The following ARID1B variants were observed in gnomAD, a reference collection of about 807,000 sequenced individuals.
ARID1B encodes AT-rich interactive domain-containing protein 1B.
ARID1B carries 30 observed loss-of-function variants against 212.3 expected under a neutral mutation model. That is an observed-to-expected ratio of 0.14 (90% CI 0.11 to 0.19). The LOEUF is 0.19. Ranked by LOEUF, ARID1B falls within the 10% of genes least tolerant of loss-of-function variation. The pLI, the probability that ARID1B is intolerant of heterozygous loss-of-function variation, is 1.00. For missense variants in ARID1B, 2,891 were observed against 3,204.0 expected (o/e 0.90, Z 2.36); for synonymous variants, 1,402 against 1,301.7 (o/e 1.08, Z -1.66).
At chr6:157,058,696 C>T (rs1479543511) in intron 4 of ARID1B, among the ~76,000 whole-genome samples, 6 of 152,224 alleles carry the variant, frequency 3.9e-5, no homozygotes, top group East Asian at 3.8e-4. Flanking sequence ...AGGCTCACAG[C>T]GTCTTCCTGC....
At position 157,065,477 on chromosome 6, in the gene ARID1B, A is replaced by G. The variant is rs183975318; in HGVS notation, c.2248-19185A>G. Among the ~76,000 whole-genome samples the G allele has an allele frequency of 1.6e-4, 25 of 152,360 alleles. No homozygotes were observed. In the East Asian group the frequency reaches 3.9e-3, roughly 23 times the overall value. On this transcript the variant is annotated intron_variant, in intron 4 of 19. Transcript: ENST00000636930. ...TTGATGAAAGGTGCCTTTATGGTAC[A>G]GTTACTTTCAAATACATCAAGCACT... is the stretch of plus-strand genomic sequence containing the variant.
Position 156,984,223 on chromosome 6 carries a change from C to T in ARID1B, c.2247+48647C>T, listed in dbSNP as rs149391573. ...AGCAAGGCATGCTCCCACAGCAGTC[C>T]GGTGCAGCTCCAGAATGAGGGAGCC... On this transcript the variant is annotated intron_variant, in intron 4 of 19. Coordinates refer to ENST00000636930, the MANE Select transcript of ARID1B (RefSeq NM_001374828.1). 3.0e-3 allele frequency among the ~76,000 whole-genome samples: 450 copies of T among 152,190 alleles called. 3 individuals are homozygous for T. Among genetic ancestry groups the T allele is most frequent in the African/African-American group, 0.01 (427 of 41,498 alleles).
Position 157,184,518 on chromosome 6 carries a change from A to G in ARID1B, c.3919+83A>G, listed in dbSNP as rs1792825235. 3 of 1,505,156 alleles carry G rather than the reference A, an allele frequency of 2.0e-6. No homozygotes were observed. The African/African-American group carries it at 4.2e-5, about 21-fold the overall frequency. The allele number at this position is 1,505,156 out of a possible 1,614,324, so 93.2% of individuals were successfully genotyped here. ...GTTCCGGGAAGGTGGTTTCACAGTCAGGCCAACAGGGAACTTGGGACTTTT... is the reference window on the plus strand; with the variant it reads ...GTTCCGGGAAGGTGGTTTCACAGTCGGGCCAACAGGGAACTTGGGACTTTT... On this transcript the variant is annotated intron_variant, in intron 13 of 19. Transcript: ENST00000636930.
intron 2 of ARID1B, among the ~76,000 whole-genome samples, chr6:156,832,320 A>G (rs1303998934): frequency 6.6e-6 from 1 of 152,230 alleles, no homozygotes; most frequent in Admixed American, 6.5e-5. Flanking sequence ...GGTCCCATCC[A>G]TCTTCCCCTA....
intron 1 of ARID1B, among the ~76,000 whole-genome samples, chr6:156,804,335 CAAAA>C (rs369681489): frequency 8.3e-6 from 1 of 120,382 alleles, no homozygotes; most frequent in African/African-American, 3.2e-5. Flanking sequence ...GACTCCGTCT[CAAAA>C]AAAAAGCAAA....
chr6:157,010,685 A>G (rs933833584), intron 4 of ARID1B, among the ~76,000 whole-genome samples: 3 of 150,244 alleles, frequency 2.0e-5, no homozygotes, highest in Non-Finnish European at 4.4e-5. Context: ...GTTCTCATGT[A>G]GCAAGACTTC....
At chr6:156,903,063 A>C (rs1789082851) in intron 3 of ARID1B, among the ~76,000 whole-genome samples, 1 of 152,160 alleles carries the variant, frequency 6.6e-6, no homozygotes, top group Non-Finnish European at 1.5e-5. Context: ...CTGATCATAA[A>C]ACCGATTTGA....
intron 4 of ARID1B, among the ~76,000 whole-genome samples, chr6:156,963,948 A>T (rs1794571394): frequency 6.6e-6 from 1 of 152,222 alleles, no homozygotes; most frequent in Non-Finnish European, 1.5e-5. Flanking sequence ...TAGTATGAAT[A>T]TGTGCTTGCC....
At chr6:156,957,442 A>G (rs1794050272) in intron 4 of ARID1B, among the ~76,000 whole-genome samples, 1 of 152,142 alleles carries the variant, frequency 6.6e-6, no homozygotes, top group Non-Finnish European at 1.5e-5. Flanking sequence ...GAGCCACAGA[A>G]GCAGAGTAGC....
intron 2 of ARID1B, among the ~76,000 whole-genome samples, chr6:156,835,356 A>T (rs918623128): frequency 1.3e-5 from 2 of 152,086 alleles, no homozygotes; most frequent in Non-Finnish European, 2.9e-5. Context: ...GAATTGTGAC[A>T]TTCTTGGAAT....
At chr6:157,006,972 C>T (rs186688932) in intron 4 of ARID1B, among the ~76,000 whole-genome samples, 52 of 152,322 alleles carry the variant, frequency 3.4e-4, no homozygotes, top group Admixed American at 1.8e-3. Context: ...CACACAGACA[C>T]GCAAAGTTTA....
intron 3 of ARID1B, among the ~76,000 whole-genome samples, chr6:156,921,032 T>G (rs77852115): frequency 0.018 from 2,724 of 152,162 alleles, 86 homozygotes; most frequent in African/African-American, 0.062. Context: ...GCAGGGGGAC[T>G]CCAGGACCCT....
chr6:156,778,010 G>A lies in ARID1B; in HGVS notation c.330G>A (p.Glu110=), dbSNP rs1403994771. 6.5e-7 allele frequency: 1 copy of A among 1,533,296 alleles called. No homozygotes were observed. Among genetic ancestry groups the A allele is most frequent in the Non-Finnish European group, 8.7e-7 (1 of 1,145,428 alleles). The allele number at this position is 1,533,296 out of a possible 1,614,324, so 95.0% of individuals were successfully genotyped here. The change falls in exon 1 of 20, where the codon GAG becomes GAA. Residue 110 remains glutamate, a synonymous_variant. Coordinates refer to ENST00000636930, the MANE Select transcript of ARID1B (RefSeq NM_001374828.1). ...KSGGSEAALK[E]GGSAAALSSS... is the part of the protein sequence containing the mutation. Reference sequence around the variant, plus strand: ...GCGGCTCCGAGGCGGCTCTCAAGGAGGGTGGAAGCGCCGCCGCGCTGTCCT... The same window carrying A: ...GCGGCTCCGAGGCGGCTCTCAAGGAAGGTGGAAGCGCCGCCGCGCTGTCCT...
chr6:156,907,857 G>A (rs966514948), intron 3 of ARID1B, among the ~76,000 whole-genome samples: 20 of 149,550 alleles, frequency 1.3e-4, no homozygotes, highest in Non-Finnish European at 2.2e-4. Context: ...GTAGTGAGTC[G>A]AGGTCGCGCC....
intron 2 of ARID1B, among the ~76,000 whole-genome samples, chr6:156,876,713 T>C (rs1479945155): frequency 6.6e-6 from 1 of 152,208 alleles, no homozygotes; most frequent in Non-Finnish European, 1.5e-5. Flanking sequence ...TTACCCAAGT[T>C]GAGGCTGTTG....
chr6:156,865,676 A>C (rs1033890457), intron 2 of ARID1B, among the ~76,000 whole-genome samples: 1 of 151,312 alleles, frequency 6.6e-6, no homozygotes, highest in Admixed American at 6.6e-5. Flanking sequence ...TTTTAACTTT[A>C]TCTCTTCTTC....
In ARID1B at chr6:156,935,524, C is replaced by G. The variant is rs778362623; in HGVS notation, c.2195C>G (p.Pro732Arg). Residue 732 changes from proline to arginine, a missense_variant, in exon 4 of 20, where the codon CCT (proline) becomes CGT (arginine). Transcript: ENST00000636930. ...RSQPPLAPGK[P>R]NHEDLNLIQQ... is the part of the protein sequence containing the mutation. ...CAACCTCCTCTGGCCCCCGGAAAACCTAACCATGAAGACTTGAACTTAATA... is the reference window on the plus strand; with the variant it reads ...CAACCTCCTCTGGCCCCCGGAAAACGTAACCATGAAGACTTGAACTTAATA... The G allele has an allele frequency of 4.3e-6, 7 of 1,614,026 alleles. No homozygotes were observed. The highest frequency in any genetic ancestry group is 5.9e-6 in the Non-Finnish European group (7 of 1,179,922).
In ARID1B at chr6:156,801,009, A is replaced by G. The variant is rs543456557; in HGVS notation, c.1791+21538A>G. Among the ~76,000 whole-genome samples, 3 of 152,326 alleles carry G rather than the reference A, an allele frequency of 2.0e-5. No individual in the cohort carries two copies. In the South Asian group the frequency reaches 6.2e-4, roughly 32 times the overall value. On this transcript the variant is annotated intron_variant, in intron 1 of 19. Transcript: ENST00000636930. The stretch of plus-strand genomic sequence containing the variant: ...GTAGCTGTCTGTCATAAGTTGCAAA[A>G]TAGATCTAGAACATTCTCATCACTG...
intron 8 of ARID1B, among the ~76,000 whole-genome samples, chr6:157,154,394 G>T (rs1790407839): frequency 6.6e-6 from 1 of 152,106 alleles, no homozygotes; most frequent in South Asian, 2.1e-4. Flanking sequence ...AGGACACAGA[G>T]TTTCAATTAT....
Sources: allele counts gnomAD v4.1 joint callset (sites outside exome capture counted in the v4.1 genomes callset), GRCh38; gene constraint gnomAD v4.1.1; transcripts MANE v1.5; gene names NCBI Gene and HGNC (gene_info 2026-07-23, HGNC 2026-07-21).